MYBL1: variants seen among roughly 807,000 people sequenced by gnomAD.
MYBL1 encodes myb-related protein A.
Under a neutral mutation model 96.3 loss-of-function variants are expected in MYBL1, and 17 were observed. That is an observed-to-expected ratio of 0.18 (90% CI 0.12 to 0.26). The LOEUF (loss-of-function observed/expected upper bound fraction) is 0.26, where lower values mean the gene tolerates loss of function less well. MYBL1 is among the 10% of genes least tolerant of loss of function. The probability of loss-of-function intolerance (pLI) is 1.00; values close to 1 mark genes in which losing one functional copy is unlikely to be tolerated. For synonymous variants in MYBL1, 282 were observed against 292.7 expected (o/e 0.96, Z 0.37); for missense variants, 701 against 882.9 (o/e 0.79, Z 2.61).
At chr8:66,607,699 CAAA>C (rs542129633) in intron 1 of MYBL1, among the ~76,000 whole-genome samples, 228 of 117,856 alleles carry the variant, frequency 1.9e-3, no homozygotes, top group African/African-American at 6.1e-3. Context: ...TTTCAAAACC[CAAA>C]AAAAAAAAAA....
intron 10 of MYBL1, 128 bp downstream of exon 10, chr8:66,575,879 C>G: frequency 1.1e-6 from 1 of 870,250 alleles, no homozygotes; most frequent in Non-Finnish European, 1.7e-6. Flanking sequence ...TCAGTATTCT[C>G]AAGTATACAT....
At chr8:66,573,299 A>G in intron 11 of MYBL1, 65 bp downstream of exon 11, 1 of 1,388,338 alleles carries the variant, frequency 7.2e-7, no homozygotes, top group Non-Finnish European at 9.6e-7. Flanking sequence ...TATGCACAAA[A>G]AGCTAATCTA....
chr8:66,611,379 T>C (rs1810520706), intron 1 of MYBL1, among the ~76,000 whole-genome samples: 1 of 152,230 alleles, frequency 6.6e-6, no homozygotes, highest in Non-Finnish European at 1.5e-5. Flanking sequence ...GAGCTTTAAA[T>C]ATCTATCTTT....
chr8:66,612,480 T>G, intron 1 of MYBL1: 1 of 326,484 alleles, frequency 3.1e-6, no homozygotes. Context: ...CAGTTTTCTC[T>G]GCGTAGCGGA....
intron 12 of MYBL1, among the ~76,000 whole-genome samples, chr8:66,571,763 C>T (rs1375104919): frequency 6.7e-6 from 1 of 150,296 alleles, no homozygotes; most frequent in Admixed American, 6.6e-5. Flanking sequence ...AGCCTGTAGT[C>T]CAAGCTACTC....
At chr8:66,568,310 G>A (rs2129707009) in intron 12 of MYBL1, among the ~76,000 whole-genome samples, 1 of 152,078 alleles carries the variant, frequency 6.6e-6, no homozygotes, top group East Asian at 1.9e-4. Flanking sequence ...ATGGAATCTT[G>A]CTCTGTCACC....
At chr8:66,594,871 G>A (rs1809789648) in intron 6 of MYBL1, among the ~76,000 whole-genome samples, 1 of 152,092 alleles carries the variant, frequency 6.6e-6, no homozygotes, top group South Asian at 2.1e-4. Flanking sequence ...TCTTTTGGTA[G>A]AAAACTACTA....
intron 1 of MYBL1, among the ~76,000 whole-genome samples, chr8:66,603,896 A>G (rs78951817): frequency 0.025 from 3,752 of 152,224 alleles, 164 homozygotes; most frequent in African/African-American, 0.084. Flanking sequence ...TTCATAAATT[A>G]AATTAAATGA....
At position 66,612,850 on chromosome 8, in the gene MYBL1, C is replaced by T. The variant is rs1484538933; in HGVS notation, c.-12G>A. ...GACCTCTTCGCCATCCTTCAAGTAC[C>T]GCATAGGAGCAGGCTGGGCGGGGAC... On this transcript the variant is annotated 5_prime_UTR_variant, in exon 1 of 16. Transcript: ENST00000522677. 7.3e-7 allele frequency: 1 copy of T among 1,369,030 alleles called. No homozygotes were observed. The highest frequency in any genetic ancestry group is 9.5e-7 in the Non-Finnish European group (1 of 1,050,984). The allele number at this position is 1,369,030 out of a possible 1,614,324, so 84.8% of individuals were successfully genotyped here. A position where few individuals can be genotyped will look rare whatever the true frequency, so the allele number is the denominator to read the frequency against.
At chr8:66,588,115 A>C (rs1809492038) in intron 8 of MYBL1, among the ~76,000 whole-genome samples, 1 of 152,034 alleles carries the variant, frequency 6.6e-6, no homozygotes, top group African/African-American at 2.4e-5. Context: ...AGGAGACAGC[A>C]TGGTTTTCCT....
intron 4 of MYBL1, among the ~76,000 whole-genome samples, chr8:66,597,930 A>C (rs1451723197): frequency 6.6e-6 from 1 of 151,390 alleles, no homozygotes; most frequent in Non-Finnish European, 1.5e-5. Flanking sequence ...AGATTCTACC[A>C]AGTTATTGGT....
intron 9 of MYBL1, among the ~76,000 whole-genome samples, chr8:66,578,545 C>G (rs1411575852): frequency 1.5e-3 from 221 of 151,296 alleles, no homozygotes; most frequent in Non-Finnish European, 1.8e-3. Flanking sequence ...CATCTCACAC[C>G]AGTTAGAATG....
intron 14 of MYBL1, among the ~76,000 whole-genome samples, chr8:66,566,479 C>G (rs565002410): frequency 6.6e-6 from 1 of 151,964 alleles, no homozygotes; most frequent in African/African-American, 2.4e-5. Flanking sequence ...GCAGCTAACT[C>G]CTCTCATAAC....
intron 12 of MYBL1, among the ~76,000 whole-genome samples, 168 bp downstream of exon 12, chr8:66,572,314 C>T (rs1187145067): frequency 4.7e-5 from 7 of 147,586 alleles, no homozygotes; most frequent in South Asian, 2.1e-4. Context: ...AGTAAGACTC[C>T]GTCTCAAAAA....
Position 66,613,003 on chromosome 8 carries a change from G to T in MYBL1, c.-165C>A. The T allele has an allele frequency of 1.3e-6, 1 of 797,298 alleles. No homozygotes were observed. Among genetic ancestry groups the T allele is most frequent in the Non-Finnish European group, 1.7e-6 (1 of 580,058 alleles). 49.4% of individuals were successfully genotyped at this position (797,298 alleles called of 1,614,324 possible). A position where few individuals can be genotyped will look rare whatever the true frequency, so the allele number is the denominator to read the frequency against. On this transcript the variant is annotated 5_prime_UTR_variant, in exon 1 of 16. It adds an upstream start codon to the 5' untranslated region. Coordinates refer to ENST00000522677, the MANE Select transcript of MYBL1 (RefSeq NM_001080416.4). ...CTCGACAGGGCAGGACGGAGGGACA[G>T]CGGGGGCGGACCGCGACCCGACCCC... is the stretch of plus-strand genomic sequence containing the variant.
chr8:66,579,616 C>T (rs1166976469), intron 9 of MYBL1, among the ~76,000 whole-genome samples: 1 of 150,916 alleles, frequency 6.6e-6, no homozygotes, highest in Non-Finnish European at 1.5e-5. Flanking sequence ...GAGATTGCAC[C>T]ACTACACTCC....
intron 8 of MYBL1, among the ~76,000 whole-genome samples, chr8:66,588,993 C>T (rs189751697): frequency 2.6e-5 from 4 of 152,056 alleles, no homozygotes; most frequent in Admixed American, 6.6e-5. Flanking sequence ...GCACTCCAGC[C>T]GGGCGACAGT....
intron 1 of MYBL1, among the ~76,000 whole-genome samples, chr8:66,610,696 T>G (rs1167541043): frequency 1.3e-5 from 2 of 152,184 alleles, no homozygotes; most frequent in Non-Finnish European, 2.9e-5. Context: ...TTGTTTTTTG[T>G]TGAAGCACAA....
At chr8:66,599,584 T>C (rs1809985709) in intron 3 of MYBL1, among the ~76,000 whole-genome samples, 2 of 152,308 alleles carry the variant, frequency 1.3e-5, no homozygotes, top group Admixed American at 6.5e-5. Flanking sequence ...GTGGATCACC[T>C]GAGGTCTGGA....
Sources: gnomAD v4.1 joint callset for allele counts (sites outside exome capture counted in the v4.1 genomes callset) on GRCh38, gnomAD v4.1.1 for gene constraint, MANE v1.5 for transcripts, NCBI Gene and HGNC (gene_info 2026-07-23, HGNC 2026-07-21) for gene names.